Variants in SLC4A4 observed in about 807,000 individuals in gnomAD.
The protein encoded by SLC4A4 is solute carrier family 4 member 4, also known as electrogenic sodium bicarbonate cotransporter 1.
A neutral mutation model predicts 111.5 loss-of-function variants in SLC4A4; 27 were observed. The observed-to-expected ratio is 0.24, with a 90% CI of 0.18 to 0.33. The LOEUF (loss-of-function observed/expected upper bound fraction) is 0.33, where lower values mean the gene tolerates loss of function less well. Among genes scored for constraint, SLC4A4 ranks in the 10% least tolerant of loss-of-function variants. SLC4A4 has a pLI of 1.00. For synonymous variants in SLC4A4, 443 were observed against 463.4 expected (o/e 0.96, Z 0.57); for missense variants, 909 against 1,315.5 (o/e 0.69, Z 4.78).
intron 17 of SLC4A4, among the ~76,000 whole-genome samples, chr4:71,532,759 A>G (rs1734054242): frequency 6.6e-6 from 1 of 152,134 alleles, no homozygotes; most frequent in South Asian, 2.1e-4. Flanking sequence ...ATTGAAGCTC[A>G]AAGAATTAAG....
intron 5 of SLC4A4, among the ~76,000 whole-genome samples, chr4:71,353,094 AAG>A (rs1729986576): frequency 6.6e-6 from 1 of 152,176 alleles, no homozygotes; most frequent in Admixed American, 6.5e-5. Flanking sequence ...CGAATGGCCA[AAG>A]AGAGAAGGTT....
chr4:71,228,881 ACAATT>A (rs1485111699), intron 1 of SLC4A4, among the ~76,000 whole-genome samples: 1 of 152,228 alleles, frequency 6.6e-6, no homozygotes, highest in African/African-American at 2.4e-5. Context: ...TGGCACTGAT[ACAATT>A]CACCAAACTT....
intron 1 of SLC4A4, among the ~76,000 whole-genome samples, chr4:71,082,086 C>T (rs1373095458): frequency 1.3e-5 from 2 of 152,066 alleles, no homozygotes; most frequent in African/African-American, 4.8e-5. Context: ...TTTGCTTCCT[C>T]CACTTAATTA....
chr4:71,300,615 C>A (rs567989456), intron 3 of SLC4A4: 8 of 303,856 alleles, frequency 2.6e-5, no homozygotes, highest in African/African-American at 4.4e-5. Context: ...TCTTCATGAG[C>A]AGCTCTGTAT....
intron 22 of SLC4A4, 88 bp downstream of exon 22, chr4:71,557,973 GTGT>G (rs1471150897): frequency 8.2e-7 from 1 of 1,223,444 alleles, no homozygotes; most frequent in African/African-American, 1.5e-5. Context: ...TGTCTTTTAT[GTGT>G]TGTTCCAAAT....
intron 1 of SLC4A4, among the ~76,000 whole-genome samples, chr4:71,201,814 T>C (rs1488167129): frequency 6.6e-6 from 1 of 152,224 alleles, no homozygotes; most frequent in Non-Finnish European, 1.5e-5. Flanking sequence ...ATAATGTGTT[T>C]TTGTACCATT....
chr4:71,106,600 A>T (rs1380734854), intron 2 of SLC4A4, among the ~76,000 whole-genome samples: 25 of 146,850 alleles, frequency 1.7e-4, no homozygotes, highest in Middle Eastern at 3.4e-3. Context: ...GCCATAAAAA[A>T]TGATGAGTTC....
intron 13 of SLC4A4, among the ~76,000 whole-genome samples, chr4:71,466,891 C>T (rs1209853520): frequency 6.9e-6 from 1 of 144,786 alleles, no homozygotes; most frequent in Admixed American, 7.1e-5. Flanking sequence ...CTTCTGGCTT[C>T]CTCTTGGGTT....
At chr4:71,127,164 G>A (rs1743582823) in intron 2 of SLC4A4, among the ~76,000 whole-genome samples, 1 of 152,196 alleles carries the variant, frequency 6.6e-6, no homozygotes, top group South Asian at 2.1e-4. Flanking sequence ...GAAAATCAGA[G>A]TGGAAAGGAA....
intron 6 of SLC4A4, among the ~76,000 whole-genome samples, chr4:71,373,695 T>C (rs1024702450): frequency 5.3e-5 from 8 of 152,186 alleles, no homozygotes; most frequent in Non-Finnish European, 1.5e-5. Flanking sequence ...TTAGGGAAAT[T>C]AACCTGTCAG....
At chr4:71,472,278 G>A (rs190442033) in intron 13 of SLC4A4, among the ~76,000 whole-genome samples, 4 of 151,878 alleles carry the variant, frequency 2.6e-5, no homozygotes, top group Admixed American at 6.6e-5. Flanking sequence ...TCAGTAGACC[G>A]TGATGACATA....
At chr4:71,526,687 G>T (rs982330336) in intron 16 of SLC4A4, among the ~76,000 whole-genome samples, 1 of 152,048 alleles carries the variant, frequency 6.6e-6, no homozygotes, top group Non-Finnish European at 1.5e-5. Flanking sequence ...ATATCTGAGA[G>T]GTCAGATCTG....
intron 2 of SLC4A4, among the ~76,000 whole-genome samples, chr4:71,126,406 T>C (rs58431080): frequency 0.14 from 21,154 of 152,214 alleles, 1,590 homozygotes; most frequent in East Asian, 0.27. Context: ...CTTGTTTCTT[T>C]TATTTGTTCT....
rs544511039 is a variant in SLC4A4 at position 71,269,406 on chromosome 4, G to C, written c.253+14007G>C. Among the ~76,000 whole-genome samples, 9 of 152,298 alleles carry C rather than the reference G, an allele frequency of 5.9e-5. No homozygotes were observed. The East Asian group carries it at 1.7e-3, about 29-fold the overall frequency. ...AGGTGACAGTTGTGTCTTTCTGAAGGGTGTGGGCAGATTCTGAACGGGCTT... is the reference window on the plus strand; with the variant it reads ...AGGTGACAGTTGTGTCTTTCTGAAGCGTGTGGGCAGATTCTGAACGGGCTT... On this transcript the variant is annotated intron_variant, in intron 3 of 25. Coordinates refer to ENST00000264485, the MANE Select transcript of SLC4A4 (RefSeq NM_001098484.3).
At chr4:71,151,789 G>A (rs1289863572) in intron 2 of SLC4A4, among the ~76,000 whole-genome samples, 8 of 151,072 alleles carry the variant, frequency 5.3e-5, no homozygotes, top group East Asian at 3.9e-4. Flanking sequence ...GGCCGGGCAC[G>A]GTGACTCATG....
At chr4:71,392,940 A>G (rs148510433) in intron 6 of SLC4A4, among the ~76,000 whole-genome samples, 77 of 152,302 alleles carry the variant, frequency 5.1e-4, no homozygotes, top group African/African-American at 1.7e-3. Flanking sequence ...CAATAAATGC[A>G]GAAAAAGCAT....
chr4:71,223,644 G>A lies in SLC4A4; in HGVS notation c.-1-12932G>A, dbSNP rs890278157. On this transcript the variant is annotated intron_variant, in intron 1 of 25. Transcript: ENST00000264485. ...AAGATGCTTGCATGTGGGCCTCCTA[G>A]ATTGAGTATCTGGCACAAGAAAAGC... Among the ~76,000 whole-genome samples, 3 of 152,120 alleles carry A rather than the reference G, an allele frequency of 2.0e-5. No individual in the cohort carries two copies. In the East Asian group the frequency reaches 5.8e-4, roughly 29 times the overall value.
At position 71,332,645 on chromosome 4, in the gene SLC4A4, T is replaced by C. The variant is rs189814415; in HGVS notation, c.254-6725T>C. On this transcript the variant is annotated intron_variant, in intron 3 of 25. Coordinates refer to ENST00000264485, the MANE Select transcript of SLC4A4 (RefSeq NM_001098484.3). ...ATTTTTAGTAGAGATGGGGTTTCACTGTGGTCTCGATCTCCTGACCTCGTG... is the reference window on the plus strand; with the variant it reads ...ATTTTTAGTAGAGATGGGGTTTCACCGTGGTCTCGATCTCCTGACCTCGTG... 7.3e-3 allele frequency among the ~76,000 whole-genome samples: 1,117 copies of C among 152,052 alleles called. 15 individuals carry two copies. Among genetic ancestry groups the C allele is most frequent in the African/African-American group, 0.024 (980 of 41,474 alleles).
At chr4:71,198,114 G>A (rs1466977094) in intron 1 of SLC4A4, among the ~76,000 whole-genome samples, 2 of 152,156 alleles carry the variant, frequency 1.3e-5, no homozygotes, top group African/African-American at 2.4e-5. Context: ...ACAGGTATTA[G>A]GGCAGCATGA....
Sources: allele counts gnomAD v4.1 joint callset (sites outside exome capture counted in the v4.1 genomes callset), GRCh38; gene constraint gnomAD v4.1.1; transcripts MANE v1.5; gene names NCBI Gene and HGNC (gene_info 2026-07-23, HGNC 2026-07-21).